AGBL1: variants seen among roughly 807,000 people sequenced by gnomAD.
AGBL1 encodes AGBL carboxypeptidase 1, also known as cytosolic carboxypeptidase 4.
A neutral mutation model predicts 118.9 loss-of-function variants in AGBL1; 130 were observed. The ratio of observed to expected loss-of-function variants is 1.09; its 90% CI spans 0.95 to 1.26. The LOEUF (loss-of-function observed/expected upper bound fraction) is 1.26, where lower values mean the gene tolerates loss of function less well. AGBL1 is among the 50% of genes most tolerant of loss of function. AGBL1 has a pLI of 0.00. For missense variants in AGBL1, 1,584 were observed against 1,298.1 expected (o/e 1.22, Z -3.38); for synonymous variants, 555 against 478.9 (o/e 1.16, Z -2.08).
At position 86,397,518 on chromosome 15, in the gene AGBL1, C is replaced by T. The variant is rs762530881; in HGVS notation, c.2527C>T (p.Leu843Phe). 2 of 1,611,962 alleles carry T rather than the reference C, an allele frequency of 1.2e-6. No homozygotes were observed. The highest frequency in any genetic ancestry group is 8.5e-7 in the Non-Finnish European group (1 of 1,179,030). Residue 843 changes from leucine (L) to phenylalanine (F), a missense_variant, in exon 18 of 23, where the codon CTC (leucine) becomes TTC (phenylalanine). Physicochemically the swap from Leu to Phe is conservative, Grantham distance 22. Coordinates refer to ENST00000614907, the MANE Select transcript of AGBL1 (RefSeq NM_001386094.1). ...ENFIFKIIPM[L>F]NPDGVINGNH... The stretch of plus-strand genomic sequence containing the variant: ...CTTCATCTTCAAGATCATACCCATG[C>T]TCAACCCAGATGGTGTCATCAACGG...
At chr15:86,088,952 A>G (rs1191922220) in intron 1 of AGBL1, among the ~76,000 whole-genome samples, 1 of 152,130 alleles carries the variant, frequency 6.6e-6, no homozygotes, top group Admixed American at 6.5e-5. Context: ...CTCTTTTTCC[A>G]TACTACCTAA....
At chr15:86,862,743 G>A (rs892519072) in intron 22 of AGBL1, among the ~76,000 whole-genome samples, 2 of 152,034 alleles carry the variant, frequency 1.3e-5, no homozygotes, top group East Asian at 1.9e-4. Flanking sequence ...AAACAAATAC[G>A]AATACAAAAA....
chr15:86,085,110 C>T (rs1895550588), intron 1 of AGBL1, among the ~76,000 whole-genome samples: 1 of 152,140 alleles, frequency 6.6e-6, no homozygotes, highest in Non-Finnish European at 1.5e-5. Context: ...GAAAATTATT[C>T]ATAAAGCAAG....
At chr15:86,492,798 G>A (rs573741888) in intron 18 of AGBL1, among the ~76,000 whole-genome samples, 10 of 152,108 alleles carry the variant, frequency 6.6e-5, no homozygotes, top group Non-Finnish European at 1.3e-4. Flanking sequence ...GGTCATAGGA[G>A]GTAGAAGCTT....
At chr15:86,233,344 C>A (rs552524691) in intron 6 of AGBL1, among the ~76,000 whole-genome samples, 11 of 151,856 alleles carry the variant, frequency 7.2e-5, no homozygotes, top group African/African-American at 2.7e-4. Context: ...AGGGCTAGCC[C>A]AGGCGAGGAG....
chr15:86,284,544 T>C (rs1403536625), intron 16 of AGBL1, among the ~76,000 whole-genome samples: 4 of 152,170 alleles, frequency 2.6e-5, no homozygotes, highest in African/African-American at 4.8e-5. Flanking sequence ...TATTTGTTCT[T>C]CTCTTGTGAT....
intron 23 of AGBL1, among the ~76,000 whole-genome samples, chr15:86,961,173 C>T (rs189631636): frequency 1.4e-4 from 22 of 152,084 alleles, no homozygotes; most frequent in Non-Finnish European, 4.4e-5. Context: ...TTTCACAATA[C>T]GTATGTGTTA....
chr15:86,479,530 A>G (rs1313432197), intron 18 of AGBL1, among the ~76,000 whole-genome samples: 1 of 152,256 alleles, frequency 6.6e-6, no homozygotes, highest in African/African-American at 2.4e-5. Context: ...CCACAATGAG[A>G]TACCATCTCC....
intron 5 of AGBL1, among the ~76,000 whole-genome samples, chr15:86,214,076 G>A (rs2078145661): frequency 2.0e-5 from 3 of 152,190 alleles, no homozygotes; most frequent in Admixed American, 6.5e-5. Flanking sequence ...ATGCTGGAAG[G>A]TGCTAAGCCT....
At position 86,364,953 on chromosome 15, in the gene AGBL1, T is replaced by TCACACA. The variant is rs200208327; in HGVS notation, c.2375-32412_2375-32407dup. ...TGCAGGAGCCGCATTGATTTATATGTCACACATATATATATATATATATAT... is the reference window on the plus strand; with the variant it reads ...TGCAGGAGCCGCATTGATTTATATGTCACACACACACATATATATATATATATATAT... On this transcript the variant is annotated intron_variant, in intron 17 of 22. Transcript: ENST00000614907. Among the ~76,000 whole-genome samples the TCACACA allele has an allele frequency of 9.0e-3, 515 of 57,328 alleles. 4 individuals carry two copies. The highest frequency in any genetic ancestry group is 0.019 in the South Asian group (34 of 1,750). 37.6% of individuals were successfully genotyped at this position (57,328 alleles called of 152,430 possible).
intron 21 of AGBL1, among the ~76,000 whole-genome samples, chr15:86,637,251 G>A (rs2085112458): frequency 6.6e-6 from 1 of 152,166 alleles, no homozygotes; most frequent in African/African-American, 2.4e-5. Flanking sequence ...CAATGAAACA[G>A]AGTCCTGATG....
chr15:86,471,513 T>C (rs2082478989), intron 18 of AGBL1, among the ~76,000 whole-genome samples: 1 of 141,172 alleles, frequency 7.1e-6, no homozygotes. Context: ...TTTTTTTTTT[T>C]TTATAGCTTC....
chr15:86,888,781 G>A (rs1368428593), intron 22 of AGBL1, among the ~76,000 whole-genome samples: 1 of 152,046 alleles, frequency 6.6e-6, no homozygotes, highest in African/African-American at 2.4e-5. Flanking sequence ...CGTCTTTCAT[G>A]AGCCATTATG....
intron 19 of AGBL1, among the ~76,000 whole-genome samples, chr15:86,526,899 C>T (rs1384775845): frequency 6.6e-6 from 1 of 151,950 alleles, no homozygotes; most frequent in Non-Finnish European, 1.5e-5. Context: ...CTGTTGGGTA[C>T]AATGTACACT....
chr15:86,748,001 G>T (rs1490098319), intron 22 of AGBL1, among the ~76,000 whole-genome samples: 1 of 152,104 alleles, frequency 6.6e-6, no homozygotes, highest in African/African-American at 2.4e-5. Context: ...CCCAGTAATG[G>T]GATTGCTGGG....
downstream of AGBL1, among the ~76,000 whole-genome samples, chr15:86,920,966 G>A (rs2141619330): frequency 6.6e-6 from 1 of 152,278 alleles, no homozygotes; most frequent in South Asian, 2.1e-4. Context: ...TGCAATTGGA[G>A]AAAGGAGGGC....
At chr15:86,652,685 T>C (rs538542617) in intron 21 of AGBL1, among the ~76,000 whole-genome samples, 1 of 152,300 alleles carries the variant, frequency 6.6e-6, no homozygotes, top group East Asian at 1.9e-4. Context: ...TTCAAGGGTA[T>C]TAAGTTAATG....
At chr15:86,270,888 G>A (rs2079149065) in intron 14 of AGBL1, among the ~76,000 whole-genome samples, 1 of 152,242 alleles carries the variant, frequency 6.6e-6, no homozygotes, top group South Asian at 2.1e-4. Flanking sequence ...GGAGAACCAT[G>A]TTTCCTCTGA....
intron 17 of AGBL1, among the ~76,000 whole-genome samples, chr15:86,370,192 T>A (rs2080950951): frequency 6.6e-6 from 1 of 151,968 alleles, no homozygotes; most frequent in Non-Finnish European, 1.5e-5. Flanking sequence ...TTAGAAAAAA[T>A]TTTCTGCCCA....
Sources: allele counts gnomAD v4.1 joint callset (sites outside exome capture counted in the v4.1 genomes callset), GRCh38; gene constraint gnomAD v4.1.1; transcripts MANE v1.5; gene names NCBI Gene and HGNC (gene_info 2026-07-23, HGNC 2026-07-21).